ZNF385D: variants seen among roughly 807,000 people sequenced by gnomAD.
ZNF385D encodes zinc finger protein 385D.
A neutral mutation model predicts 35.8 loss-of-function variants in ZNF385D; 15 were observed. The observed-to-expected ratio is 0.42, with a 90% confidence interval of 0.28 to 0.64. The LOEUF (loss-of-function observed/expected upper bound fraction) is 0.64. Among genes scored for constraint, ZNF385D ranks in the 30% least tolerant of loss-of-function variants. ZNF385D has a pLI of 0.23. For synonymous variants in ZNF385D, 212 were observed against 186.8 expected (o/e 1.13, Z -1.10); for missense variants, 474 against 494.6 (o/e 0.96, Z 0.39).
intron 3 of ZNF385D, among the ~76,000 whole-genome samples, chr3:21,889,083 T>C (rs1698703061): frequency 6.6e-6 from 1 of 152,220 alleles, no homozygotes; most frequent in Non-Finnish European, 1.5e-5. Context: ...GTCAGAGACC[T>C]TAATAAGAAC....
intron 2 of ZNF385D, among the ~76,000 whole-genome samples, chr3:22,238,690 A>G (rs1699324380): frequency 6.6e-6 from 1 of 150,594 alleles, no homozygotes; most frequent in African/African-American, 2.5e-5. Context: ...ATGTGTATGT[A>G]TTTGTGTGTA....
chr3:21,833,882 T>C (rs1320738427), intron 3 of ZNF385D, among the ~76,000 whole-genome samples: 1 of 152,144 alleles, frequency 6.6e-6, no homozygotes, highest in Non-Finnish European at 1.5e-5. Flanking sequence ...AAGGGAAGCA[T>C]ACAATAATGA....
intron 3 of ZNF385D, among the ~76,000 whole-genome samples, chr3:21,937,037 C>T (rs1400589832): frequency 6.6e-6 from 1 of 152,074 alleles, no homozygotes; most frequent in African/African-American, 2.4e-5. Context: ...GAAAGAAGCA[C>T]TATTCTTTGT....
chr3:22,322,401 G>A (rs1045806722), intron 2 of ZNF385D, among the ~76,000 whole-genome samples: 1 of 151,964 alleles, frequency 6.6e-6, no homozygotes, highest in African/African-American at 2.4e-5. Context: ...CTGACCTCCA[G>A]ATACTATTTC....
At chr3:22,182,933 A>G (rs1695380881) in intron 2 of ZNF385D, among the ~76,000 whole-genome samples, 1 of 152,120 alleles carries the variant, frequency 6.6e-6, no homozygotes, top group South Asian at 2.1e-4. Context: ...TTAAGCTCCA[A>G]ATAGAGAAAT....
At chr3:22,040,504 A>T (rs750238877) in intron 3 of ZNF385D, among the ~76,000 whole-genome samples, 2 of 152,310 alleles carry the variant, frequency 1.3e-5, no homozygotes, top group Non-Finnish European at 2.9e-5. Context: ...TGTAATTTTG[A>T]TTTTCTAAAA....
intron 3 of ZNF385D, among the ~76,000 whole-genome samples, chr3:21,922,160 G>C (rs1341409088): frequency 3.7e-5 from 3 of 81,300 alleles, no homozygotes; most frequent in Admixed American, 1.9e-4. Context: ...TGGAAAAATA[G>C]TCCATGCTCA....
At chr3:21,905,404 T>C (rs900880853) in intron 3 of ZNF385D, among the ~76,000 whole-genome samples, 4 of 151,812 alleles carry the variant, frequency 2.6e-5, no homozygotes, top group Admixed American at 2.6e-4. Flanking sequence ...TTATCCAAGG[T>C]TGTATTTATT....
chr3:22,156,906 T>G (rs1214768055), intron 3 of ZNF385D, among the ~76,000 whole-genome samples: 1 of 152,162 alleles, frequency 6.6e-6, no homozygotes, highest in East Asian at 1.9e-4. Context: ...CCACTTCATT[T>G]AAACAGCTTC....
intron 4 of ZNF385D, among the ~76,000 whole-genome samples, chr3:21,464,386 A>G (rs1313542787): frequency 6.6e-6 from 1 of 152,210 alleles, no homozygotes; most frequent in East Asian, 1.9e-4. Context: ...GCATTTTTAT[A>G]TTAAAAAACA....
chr3:22,353,404 A>C (rs1436874847), intron 2 of ZNF385D, among the ~76,000 whole-genome samples: 1 of 152,118 alleles, frequency 6.6e-6, no homozygotes, highest in Admixed American at 6.5e-5. Context: ...TGCAAAATAC[A>C]ATCACTTCTC....
chr3:22,096,278 C>A (rs111940496), intron 3 of ZNF385D, among the ~76,000 whole-genome samples: 1 of 151,824 alleles, frequency 6.6e-6, no homozygotes, highest in African/African-American at 2.4e-5. Flanking sequence ...GCACAATATA[C>A]CCAGGTATCA....
At chr3:22,084,405 CAAA>C (rs1216920722) in intron 3 of ZNF385D, among the ~76,000 whole-genome samples, 1 of 151,660 alleles carries the variant, frequency 6.6e-6, no homozygotes, top group Non-Finnish European at 1.5e-5. Context: ...AAATGGAAAA[CAAA>C]AAAAGCAGGG....
At chr3:22,248,437 T>G (rs1353202251) in intron 2 of ZNF385D, among the ~76,000 whole-genome samples, 3 of 152,172 alleles carry the variant, frequency 2.0e-5, no homozygotes. Flanking sequence ...TTCACTGCCC[T>G]TCATAAAGAG....
chr3:22,033,100 G>T (rs1698098228), intron 3 of ZNF385D, among the ~76,000 whole-genome samples: 1 of 152,078 alleles, frequency 6.6e-6, no homozygotes, highest in Non-Finnish European at 1.5e-5. Flanking sequence ...CGAGGTCAAA[G>T]AGTATAGAAT....
In ZNF385D at chr3:21,478,963, CT is replaced by C. The variant is rs1209574511; in HGVS notation, c.439+31897del. 2.6e-5 allele frequency among the ~76,000 whole-genome samples: 4 copies of C among 151,624 alleles called. No individual in the cohort carries two copies. In the East Asian group the frequency reaches 7.7e-4, roughly 29 times the overall value. ...AGTCTTTCAAAATGTACATAATGAA[CT>C]TGTATTATGCATGATTAAAATAGTA... is the stretch of plus-strand genomic sequence containing the variant. On this transcript the variant is annotated intron_variant, in intron 4 of 7. Transcript: ENST00000281523.
intron 2 of ZNF385D, among the ~76,000 whole-genome samples, chr3:22,289,460 C>T (rs1270443651): frequency 6.6e-6 from 1 of 152,110 alleles, no homozygotes; most frequent in Non-Finnish European, 1.5e-5. Context: ...TTCAGTCTTC[C>T]AAAGGTTTAT....
At chr3:21,901,893 G>T (rs1012834185) in intron 3 of ZNF385D, among the ~76,000 whole-genome samples, 1 of 152,168 alleles carries the variant, frequency 6.6e-6, no homozygotes, top group African/African-American at 2.4e-5. Context: ...AGACACAGAA[G>T]AGCGTTCAGT....
At chr3:22,248,187 C>T (rs1408963037) in intron 2 of ZNF385D, among the ~76,000 whole-genome samples, 1 of 152,108 alleles carries the variant, frequency 6.6e-6, no homozygotes, top group African/African-American at 2.4e-5. Context: ...ATTCTGTCAA[C>T]CATTCACTTT....
Sources: gnomAD v4.1 joint callset for allele counts (sites outside exome capture counted in the v4.1 genomes callset) on GRCh38, gnomAD v4.1.1 for gene constraint, MANE v1.5 for transcripts, NCBI Gene and HGNC (gene_info 2026-07-23, HGNC 2026-07-21) for gene names.